The following KCNIP4 variants were observed in gnomAD, a reference collection of about 807,000 sequenced individuals.
KCNIP4 encodes Kv channel-interacting protein 4.
In KCNIP4, 12 loss-of-function variants were observed where a neutral mutation model predicts 34.0. The ratio of observed to expected loss-of-function variants is 0.35; its 90% CI spans 0.23 to 0.57. KCNIP4 has a LOEUF of 0.57. Among genes scored for constraint, KCNIP4 ranks in the 20% least tolerant of loss-of-function variants. The probability of loss-of-function intolerance (pLI) is 0.83; values close to 1 mark genes in which losing one functional copy is unlikely to be tolerated. For missense variants in KCNIP4, 238 were observed against 311.7 expected (o/e 0.76, Z 1.78); for synonymous variants, 124 against 102.2 (o/e 1.21, Z -1.29).
At chr4:21,472,394 C>T (rs1241962888) in intron 1 of KCNIP4, among the ~76,000 whole-genome samples, 3 of 152,076 alleles carry the variant, frequency 2.0e-5, no homozygotes, top group East Asian at 3.9e-4. Context: ...GTGCTCACAA[C>T]ATGAGTGAGA....
At chr4:21,169,393 C>A (rs543564613) in intron 1 of KCNIP4, among the ~76,000 whole-genome samples, 1 of 151,938 alleles carries the variant, frequency 6.6e-6, no homozygotes, top group Non-Finnish European at 1.5e-5. Flanking sequence ...CTCAAGCAAC[C>A]CTCCCTCCTC....
At chr4:21,178,327 T>C (rs1291495649) in intron 1 of KCNIP4, among the ~76,000 whole-genome samples, 2 of 152,142 alleles carry the variant, frequency 1.3e-5, no homozygotes, top group African/African-American at 2.4e-5. Flanking sequence ...AACATAAACA[T>C]TGGTTGGAAC....
At chr4:21,788,942 G>A (rs978231788) in intron 1 of KCNIP4, among the ~76,000 whole-genome samples, 8 of 151,970 alleles carry the variant, frequency 5.3e-5, no homozygotes, top group South Asian at 2.1e-4. Context: ...GCGTGGCGGC[G>A]CGCGTCTGTA....
intron 1 of KCNIP4, among the ~76,000 whole-genome samples, chr4:21,098,869 G>A (rs571882666): frequency 6.6e-6 from 1 of 152,214 alleles, no homozygotes; most frequent in East Asian, 1.9e-4. Context: ...ATGAAAAAAA[G>A]CTCAACATCA....
At chr4:21,174,490 T>C (rs1458641341) in intron 1 of KCNIP4, among the ~76,000 whole-genome samples, 1 of 152,200 alleles carries the variant, frequency 6.6e-6, no homozygotes, top group Non-Finnish European at 1.5e-5. Context: ...TTGTTATACA[T>C]GAAGGATTAT....
intron 3 of KCNIP4, among the ~76,000 whole-genome samples, chr4:20,788,608 G>A (rs1206017774): frequency 6.6e-6 from 1 of 152,044 alleles, no homozygotes; most frequent in Non-Finnish European, 1.5e-5. Context: ...ATAATAAATG[G>A]TTATAAATAG....
chr4:21,199,808 T>C (rs1756335892), intron 1 of KCNIP4, among the ~76,000 whole-genome samples: 3 of 151,398 alleles, frequency 2.0e-5, no homozygotes, highest in South Asian at 4.2e-4. Flanking sequence ...CCATCAATGA[T>C]AGACTGGATT....
chr4:20,800,458 C>A (rs1237471272), intron 3 of KCNIP4, among the ~76,000 whole-genome samples: 1 of 152,142 alleles, frequency 6.6e-6, no homozygotes, highest in Admixed American at 6.5e-5. Flanking sequence ...TACAAATTGC[C>A]TGAAGAGGAA....
intron 1 of KCNIP4, among the ~76,000 whole-genome samples, chr4:20,901,498 T>C (rs902177585): frequency 6.6e-6 from 1 of 152,222 alleles, no homozygotes; most frequent in Admixed American, 6.5e-5. Context: ...CATGGTGTCA[T>C]ATTAGTCATC....
At chr4:21,254,945 C>T (rs759071313) in intron 1 of KCNIP4, among the ~76,000 whole-genome samples, 4 of 152,150 alleles carry the variant, frequency 2.6e-5, no homozygotes, top group Admixed American at 6.6e-5. Context: ...CACTGCCACC[C>T]GTCCCCAGAC....
chr4:21,612,323 T>C (rs1371669504), intron 1 of KCNIP4, among the ~76,000 whole-genome samples: 1 of 152,238 alleles, frequency 6.6e-6, no homozygotes, highest in Non-Finnish European at 1.5e-5. Context: ...AACTGGCATG[T>C]TAATAACGTC....
At chr4:21,565,808 T>C (rs1206632003) in intron 1 of KCNIP4, among the ~76,000 whole-genome samples, 3 of 152,130 alleles carry the variant, frequency 2.0e-5, no homozygotes, top group Non-Finnish European at 4.4e-5. Context: ...CAGAGAGCTC[T>C]AAAGAGATTG....
Position 21,745,991 on chromosome 4 carries a change from G to A in KCNIP4, c.61+202580C>T, listed in dbSNP as rs183329100. Reference sequence around the variant, plus strand: ...AATATATTTTCTCGCAGATCTGGAGGCTAGATGTCCTAGATTAAGATATTA... The same window carrying A: ...AATATATTTTCTCGCAGATCTGGAGACTAGATGTCCTAGATTAAGATATTA... On this transcript the variant is annotated intron_variant, in intron 1 of 8. Transcript: ENST00000382152. 1.9e-3 allele frequency among the ~76,000 whole-genome samples: 289 copies of A among 152,246 alleles called. 1 individual carries two copies. The highest frequency in any genetic ancestry group is 6.7e-3 in the African/African-American group (279 of 41,558).
intron 1 of KCNIP4, among the ~76,000 whole-genome samples, chr4:21,400,512 CCTCTTCTCTT>C (rs151019011): frequency 0.05 from 5,223 of 104,504 alleles, 230 homozygotes; most frequent in East Asian, 0.14. Context: ...CCCCTCCCTT[CCTCTTCTCTT>C]CTCTTCTCTT....
intron 1 of KCNIP4, among the ~76,000 whole-genome samples, chr4:21,184,198 G>C (rs928983699): frequency 1.4e-4 from 21 of 152,152 alleles, no homozygotes; most frequent in African/African-American, 4.8e-4. Context: ...GATAAAAATA[G>C]TACCTGCCTC....
chr4:21,446,139 G>T (rs1240316220), intron 1 of KCNIP4, among the ~76,000 whole-genome samples: 1 of 152,174 alleles, frequency 6.6e-6, no homozygotes, highest in Non-Finnish European at 1.5e-5. Context: ...TGCTGGAGAG[G>T]ATGTGGAGAA....
chr4:21,090,580 A>G lies in KCNIP4; in HGVS notation c.62-207871T>C, dbSNP rs114041614. On this transcript the variant is annotated intron_variant, in intron 1 of 8. Coordinates refer to ENST00000382152, the MANE Select transcript of KCNIP4 (RefSeq NM_025221.6). The stretch of plus-strand genomic sequence containing the variant: ...GAAAAATAGGCCCTTCCATCTTAAA[A>G]GAGAAAAGTTTTTATGTATTGCATT... 1.8e-3 allele frequency among the ~76,000 whole-genome samples: 278 copies of G among 152,334 alleles called. 4 individuals are homozygous for G. Among genetic ancestry groups the G allele is most frequent in the African/African-American group, 6.3e-3 (264 of 41,580 alleles).
At chr4:21,445,312 C>T (rs1577371273) in intron 1 of KCNIP4, among the ~76,000 whole-genome samples, 1 of 152,168 alleles carries the variant, frequency 6.6e-6, no homozygotes, top group African/African-American at 2.4e-5. Flanking sequence ...GCCTGCATTG[C>T]CAAGTTAATC....
intron 1 of KCNIP4, among the ~76,000 whole-genome samples, chr4:21,215,991 A>G (rs1757549341): frequency 1.3e-5 from 2 of 151,924 alleles, no homozygotes; most frequent in South Asian, 2.1e-4. Flanking sequence ...GGGTCTTGCT[A>G]TGTTTTCCAG....
Sources: allele counts gnomAD v4.1 joint callset (sites outside exome capture counted in the v4.1 genomes callset), GRCh38; gene constraint gnomAD v4.1.1; transcripts MANE v1.5; gene names NCBI Gene and HGNC (gene_info 2026-07-23, HGNC 2026-07-21).